The following C1orf21 variants were observed in gnomAD, a reference collection of about 807,000 sequenced individuals.
C1orf21 encodes the protein chromosome 1 open reading frame 21.
A neutral mutation model predicts 18.7 loss-of-function variants in C1orf21; 3 were observed. That is an observed-to-expected ratio of 0.16 (90% CI 0.07 to 0.42). C1orf21 has a LOEUF of 0.42. Ranked by LOEUF, C1orf21 falls within the 10% of genes least tolerant of loss-of-function variation. The pLI is 0.99. For missense variants in C1orf21, 104 were observed against 143.6 expected (o/e 0.72, Z 1.41); for synonymous variants, 41 against 46.4 (o/e 0.88, Z 0.47).
At chr1:184,602,300 C>G (rs1234502222) in intron 5 of C1orf21, among the ~76,000 whole-genome samples, 2 of 152,178 alleles carry the variant, frequency 1.3e-5, no homozygotes, top group Non-Finnish European at 2.9e-5. Context: ...TCTGCTGCGA[C>G]CGGAGATGAC....
chr1:184,545,304 T>G (rs538386234), intron 3 of C1orf21, among the ~76,000 whole-genome samples: 1 of 152,304 alleles, frequency 6.6e-6, no homozygotes, highest in Admixed American at 6.5e-5. Flanking sequence ...AATCTGTATG[T>G]GCAGATATGA....
chr1:184,469,988 T>C (rs1188614751), intron 1 of C1orf21, among the ~76,000 whole-genome samples: 1 of 152,258 alleles, frequency 6.6e-6, no homozygotes, highest in African/African-American at 2.4e-5. Flanking sequence ...TTTCCATGGC[T>C]ATTCTGGAAG....
chr1:184,419,624 T>C (rs1406219619), intron 1 of C1orf21, among the ~76,000 whole-genome samples: 1 of 151,886 alleles, frequency 6.6e-6, no homozygotes, highest in Non-Finnish European at 1.5e-5. Flanking sequence ...TGTTTGAAAG[T>C]GTTTAGTACT....
At chr1:184,466,293 G>T (rs1657397456) in intron 1 of C1orf21, among the ~76,000 whole-genome samples, 1 of 152,138 alleles carries the variant, frequency 6.6e-6, no homozygotes, top group Non-Finnish European at 1.5e-5. Context: ...TCCCAGAAAT[G>T]GTGGTAGGTA....
chr1:184,529,671 G>A (rs952330630), intron 3 of C1orf21, among the ~76,000 whole-genome samples: 1 of 152,136 alleles, frequency 6.6e-6, no homozygotes, highest in Non-Finnish European at 1.5e-5. Flanking sequence ...TGGACAAAGA[G>A]CAGTCCAATA....
intron 3 of C1orf21, among the ~76,000 whole-genome samples, chr1:184,570,165 T>G (rs1310206010): frequency 1.3e-5 from 2 of 152,130 alleles, no homozygotes; most frequent in South Asian, 2.1e-4. Flanking sequence ...CAGGCACAAC[T>G]TTTTTATTTT....
chr1:184,392,759 C>T (rs944330630), intron 1 of C1orf21, among the ~76,000 whole-genome samples: 2 of 151,506 alleles, frequency 1.3e-5, no homozygotes, highest in Non-Finnish European at 2.9e-5. Flanking sequence ...TCTATCACTT[C>T]CTTTCTGAAG....
rs1361211656 is a variant in C1orf21, at chr1:184,577,961, T to G, written c.190-12778T>G. The stretch of plus-strand genomic sequence containing the variant: ...TTTTTTGTTTTGTTTTTGTTTTTTT[T>G]TTTTTTTTTTGAGACAGAGTCTCAC... On this transcript the variant is annotated intron_variant, in intron 3 of 5. Coordinates refer to ENST00000235307, the MANE Select transcript of C1orf21 (RefSeq NM_030806.4). 5.5e-5 allele frequency among the ~76,000 whole-genome samples: 8 copies of G among 146,088 alleles called. 1 individual carries two copies. Among genetic ancestry groups the G allele is most frequent in the African/African-American group, 1.3e-4 (5 of 39,474 alleles).
intron 3 of C1orf21, among the ~76,000 whole-genome samples, chr1:184,552,205 G>A (rs1025508300): frequency 1.3e-5 from 2 of 152,024 alleles, no homozygotes; most frequent in Non-Finnish European, 2.9e-5. Context: ...CAGACAAGAA[G>A]GATATCCCTA....
chr1:184,543,193 A>C (rs1658681471), intron 3 of C1orf21, among the ~76,000 whole-genome samples: 1 of 152,146 alleles, frequency 6.6e-6, no homozygotes, highest in African/African-American at 2.4e-5. Context: ...AAAAAAATTA[A>C]AAAATTAGCT....
chr1:184,502,259 C>T (rs1211473319), intron 2 of C1orf21, among the ~76,000 whole-genome samples: 6 of 152,196 alleles, frequency 3.9e-5, no homozygotes, highest in Admixed American at 3.9e-4. Flanking sequence ...CCGCTTGTGC[C>T]TTCACATGGC....
At chr1:184,531,242 G>A (rs996727217) in intron 3 of C1orf21, among the ~76,000 whole-genome samples, 6 of 152,180 alleles carry the variant, frequency 3.9e-5, no homozygotes, top group Admixed American at 2.6e-4. Flanking sequence ...CTGGAAAATC[G>A]ACTGTCTTTC....
intron 2 of C1orf21, among the ~76,000 whole-genome samples, chr1:184,498,268 T>C (rs992996368): frequency 6.6e-6 from 1 of 152,224 alleles, no homozygotes; most frequent in Non-Finnish European, 1.5e-5. Context: ...TGAGAATTTT[T>C]CATTCACCGA....
chr1:184,469,120 C>T lies in C1orf21; in HGVS notation c.-124-8266C>T, dbSNP rs186958644. Among the ~76,000 whole-genome samples, 169 of 151,804 alleles carry T rather than the reference C, an allele frequency of 1.1e-3. 2 individuals carry two copies. Among genetic ancestry groups the T allele is most frequent in the African/African-American group, 3.9e-3 (162 of 41,392 alleles). ...AAAAAGTCAGCCAGGCATGGTGGCA[C>T]GTGCCTGTAGTCCCAGCTACTCAGG... is the stretch of plus-strand genomic sequence containing the variant. On this transcript the variant is annotated intron_variant, in intron 1 of 5. Coordinates refer to ENST00000235307, the MANE Select transcript of C1orf21 (RefSeq NM_030806.4).
At chr1:184,600,545 T>G (rs953291707) in intron 5 of C1orf21, among the ~76,000 whole-genome samples, 1 of 152,210 alleles carries the variant, frequency 6.6e-6, no homozygotes, top group East Asian at 1.9e-4. Context: ...AAATCTGAGA[T>G]CCCCTTTTGC....
At chr1:184,567,225 C>A in intron 3 of C1orf21, 1 of 466,048 alleles carries the variant, frequency 2.1e-6, no homozygotes. Flanking sequence ...ACATTCCATC[C>A]CCAGGAATTA....
chr1:184,420,553 T>G (rs1488148363), intron 1 of C1orf21, among the ~76,000 whole-genome samples: 1 of 152,198 alleles, frequency 6.6e-6, no homozygotes, highest in Non-Finnish European at 1.5e-5. Context: ...TAATTTTAGA[T>G]TATTAGGAGG....
Position 184,624,197 on chromosome 1 carries a change from G to A in C1orf21, c.*4641G>A, listed in dbSNP as rs911679295. The A allele has an allele frequency of 6.6e-6, 1 of 152,506 alleles. No homozygotes were observed. Among genetic ancestry groups the A allele is most frequent in the Admixed American group, 6.5e-5 (1 of 15,268 alleles). The allele number at this position is 152,506 out of a possible 1,614,324, so 9.4% of individuals were successfully genotyped here. On this transcript the variant is annotated 3_prime_UTR_variant, in exon 6 of 6. Transcript: ENST00000235307. ...CAACACTGTGAAAACAACCCCTGGGGGCATCTGCCTTCCAGAATCTCTCTC... is the reference window on the plus strand; with the variant it reads ...CAACACTGTGAAAACAACCCCTGGGAGCATCTGCCTTCCAGAATCTCTCTC...
chr1:184,612,164 G>A lies in C1orf21; in HGVS notation c.328-7354G>A, dbSNP rs114060500. On this transcript the variant is annotated intron_variant, in intron 5 of 5. Transcript: ENST00000235307. ...CCCAGTGTCATCCAGACAGGTAAAG[G>A]AGCGGAGGAAAAATTCTTCAGGTGA... is the stretch of plus-strand genomic sequence containing the variant. Among the ~76,000 whole-genome samples, 335 of 152,310 alleles carry A rather than the reference G, an allele frequency of 2.2e-3. 3 individuals are homozygous for A. The highest frequency in any genetic ancestry group is 7.7e-3 in the African/African-American group (318 of 41,564).
Sources: allele counts gnomAD v4.1 joint callset (sites outside exome capture counted in the v4.1 genomes callset), GRCh38; gene constraint gnomAD v4.1.1; transcripts MANE v1.5; gene names NCBI Gene and HGNC (gene_info 2026-07-23, HGNC 2026-07-21).